The following NUP210L variants were observed in gnomAD, a reference collection of about 807,000 sequenced individuals.
The protein encoded by NUP210L is nuclear pore membrane glycoprotein 210-like.
A neutral mutation model predicts 208.5 loss-of-function variants in NUP210L; 74 were observed. The ratio of observed to expected loss-of-function variants is 0.35; its 90% CI spans 0.29 to 0.43. The LOEUF is 0.43. Among genes scored for constraint, NUP210L ranks in the 20% least tolerant of loss-of-function variants. NUP210L has a pLI of 1.00. For synonymous variants in NUP210L, 780 were observed against 816.9 expected (o/e 0.95, Z 0.77); for missense variants, 1,843 against 2,289.4 (o/e 0.81, Z 3.98).
intron 13 of NUP210L, among the ~76,000 whole-genome samples, chr1:154,101,706 T>A (rs150173852): frequency 1.0e-3 from 153 of 152,278 alleles, no homozygotes; most frequent in African/African-American, 3.2e-3. Context: ...AAGTGGTAAG[T>A]ATTATAGAAA....
intron 38 of NUP210L, among the ~76,000 whole-genome samples, chr1:153,993,829 T>C (rs1479332545): frequency 6.6e-6 from 1 of 152,030 alleles, no homozygotes; most frequent in African/African-American, 2.4e-5. Flanking sequence ...AACTGGGCGA[T>C]GGAGGTTGCA....
At chr1:154,066,357 A>C (rs1654414705) in intron 17 of NUP210L, among the ~76,000 whole-genome samples, 1 of 152,242 alleles carries the variant, frequency 6.6e-6, no homozygotes, top group African/African-American at 2.4e-5. Context: ...TCACGCCTGT[A>C]ATCCCAGCAC....
chr1:154,024,930 T>TG (rs1247321733), intron 30 of NUP210L, among the ~76,000 whole-genome samples: 4 of 138,414 alleles, frequency 2.9e-5, no homozygotes, highest in African/African-American at 8.4e-5. Context: ...CTGTTTTTTT[T>TG]TTTTTTTTTT....
chr1:154,100,392 A>G (rs888249599), intron 13 of NUP210L, among the ~76,000 whole-genome samples: 2 of 150,714 alleles, frequency 1.3e-5, no homozygotes, highest in African/African-American at 4.9e-5. Flanking sequence ...TCAAGGCTGC[A>G]GTGAGTCATG....
chr1:154,093,839 C>T (rs988075078), intron 15 of NUP210L, among the ~76,000 whole-genome samples: 1 of 152,052 alleles, frequency 6.6e-6, no homozygotes, highest in Non-Finnish European at 1.5e-5. Context: ...TATGCAAATC[C>T]ATCAGTACCT....
intron 29 of NUP210L, 54 bp from the exon 30 acceptor site, chr1:154,025,770 A>G: frequency 2.0e-6 from 3 of 1,506,178 alleles, no homozygotes; most frequent in South Asian, 2.5e-5. Context: ...CTGACCAGAG[A>G]GAAAAGAGTA....
At chr1:154,063,952 T>C (rs1484941552) in intron 17 of NUP210L, among the ~76,000 whole-genome samples, 1 of 149,984 alleles carries the variant, frequency 6.7e-6, no homozygotes, top group Non-Finnish European at 1.5e-5. Context: ...AAAGTACATA[T>C]ATTATATATA....
chr1:154,148,697 A>T (rs1362940315), intron 2 of NUP210L, among the ~76,000 whole-genome samples: 4 of 152,196 alleles, frequency 2.6e-5, no homozygotes, highest in Non-Finnish European at 5.9e-5. Flanking sequence ...TTTAAAATTA[A>T]GTTAGCCTTC....
intron 10 of NUP210L, among the ~76,000 whole-genome samples, chr1:154,119,477 A>G (rs1657500013): frequency 6.6e-6 from 1 of 152,180 alleles, no homozygotes; most frequent in African/African-American, 2.4e-5. Context: ...AACTCCAGCT[A>G]CTTGGGAGGC....
chr1:154,144,776 C>T (rs1261368011), intron 2 of NUP210L, among the ~76,000 whole-genome samples: 1 of 152,172 alleles, frequency 6.6e-6, no homozygotes, highest in African/African-American at 2.4e-5. Flanking sequence ...TAAACTCTGT[C>T]CCTAACCATA....
intron 16 of NUP210L, among the ~76,000 whole-genome samples, chr1:154,078,185 C>A (rs920808993): frequency 6.7e-6 from 1 of 149,794 alleles, no homozygotes; most frequent in Non-Finnish European, 1.5e-5. Flanking sequence ...CAGTGGCGTG[C>A]GTGTACCTGT....
At chr1:153,995,207 ATAATAGT>A (rs755038548) in intron 37 of NUP210L, 27 bp from the exon 38 acceptor site, 37 of 1,468,530 alleles carry the variant, frequency 2.5e-5, no homozygotes, top group Middle Eastern at 1.7e-4. Flanking sequence ...ACAAAACAAG[ATAATAGT>A]TAATAGCAAC....
intron 10 of NUP210L, among the ~76,000 whole-genome samples, chr1:154,123,879 TAA>T (rs964551595): frequency 3.5e-5 from 4 of 113,968 alleles, no homozygotes; most frequent in Admixed American, 9.1e-5. Context: ...CTGTCTCAAT[TAA>T]AAAAAAAAAA....
intron 16 of NUP210L, among the ~76,000 whole-genome samples, chr1:154,071,650 T>C (rs1303468567): frequency 6.8e-6 from 1 of 146,660 alleles, no homozygotes; most frequent in Non-Finnish European, 1.5e-5. Context: ...TTTTTTTTTT[T>C]TTTGAGATAG....
chr1:154,076,157 G>A (rs1173097217), intron 16 of NUP210L, among the ~76,000 whole-genome samples: 7 of 144,144 alleles, frequency 4.9e-5, no homozygotes, highest in Non-Finnish European at 4.5e-5. Context: ...AGGCTGGAGT[G>A]CAGTGGCATG....
intron 5 of NUP210L, among the ~76,000 whole-genome samples, chr1:154,138,691 T>G (rs1024688713): frequency 6.6e-6 from 1 of 152,236 alleles, no homozygotes; most frequent in African/African-American, 2.4e-5. Flanking sequence ...CACACTCATG[T>G]TCTTGCCATT....
intron 27 of NUP210L, among the ~76,000 whole-genome samples, chr1:154,032,960 AAAG>A (rs1442763831): frequency 1.2e-5 from 1 of 85,824 alleles, no homozygotes; most frequent in Non-Finnish European, 2.8e-5. Flanking sequence ...GAAGAAAAGA[AAAG>A]AAAAGAAAAG....
chr1:154,030,417 T>C (rs749104005), intron 27 of NUP210L, among the ~76,000 whole-genome samples: 3 of 150,762 alleles, frequency 2.0e-5, no homozygotes, highest in Non-Finnish European at 4.4e-5. Flanking sequence ...CCCACCTCAC[T>C]CTCCCTAGTA....
At chr1:154,139,514 G>A (rs1307668148) in intron 5 of NUP210L, among the ~76,000 whole-genome samples, 1 of 151,874 alleles carries the variant, frequency 6.6e-6, no homozygotes, top group Non-Finnish European at 1.5e-5. Context: ...ATTTTCCATA[G>A]GCAAGACTAT....
Sources: gnomAD v4.1 joint callset for allele counts (sites outside exome capture counted in the v4.1 genomes callset) on GRCh38, gnomAD v4.1.1 for gene constraint, MANE v1.5 for transcripts, NCBI Gene and HGNC (gene_info 2026-07-23, HGNC 2026-07-21) for gene names.